Variants in PDGFRL observed in about 807,000 individuals in gnomAD.
The protein encoded by PDGFRL is platelet derived growth factor receptor like, also known as platelet-derived growth factor receptor-like protein.
In PDGFRL, 46 loss-of-function variants were observed where a neutral mutation model predicts 37.2. That is an observed-to-expected ratio of 1.24 (90% CI 0.98 to 1.58). PDGFRL has a LOEUF of 1.58. PDGFRL is among the 40% of genes most tolerant of loss of function. PDGFRL has a pLI of 0.00. For missense variants in PDGFRL, 692 were observed against 467.6 expected (o/e 1.48, Z -4.43); for synonymous variants, 251 against 184.3 (o/e 1.36, Z -2.93).
intron 1 of PDGFRL, among the ~76,000 whole-genome samples, chr8:17,585,095 C>T (rs1227032120): frequency 3.9e-5 from 6 of 152,064 alleles, no homozygotes; most frequent in Non-Finnish European, 5.9e-5. Context: ...ACACTCATGG[C>T]GCTTGTGGGA....
intron 5 of PDGFRL, among the ~76,000 whole-genome samples, chr8:17,634,979 T>TCC (rs1804941288): frequency 6.6e-6 from 1 of 151,368 alleles, no homozygotes; most frequent in Non-Finnish European, 1.5e-5. Flanking sequence ...AAAGGTTTTT[T>TCC]TTTAAAAAAA....
At chr8:17,615,389 C>CTTCAT (rs1333339888) in intron 2 of PDGFRL, among the ~76,000 whole-genome samples, 3 of 152,080 alleles carry the variant, frequency 2.0e-5, no homozygotes, top group Non-Finnish European at 4.4e-5. Context: ...GTCAAAATTG[C>CTTCAT]TTCATTTCAT....
chr8:17,626,557 A>G (rs1356823643), intron 3 of PDGFRL, among the ~76,000 whole-genome samples: 1 of 152,230 alleles, frequency 6.6e-6, no homozygotes. Flanking sequence ...TGACACAAAG[A>G]AGGCAAGTGG....
intron 2 of PDGFRL, among the ~76,000 whole-genome samples, chr8:17,606,203 T>C (rs111453839): frequency 6.6e-6 from 1 of 152,104 alleles, no homozygotes; most frequent in African/African-American, 2.4e-5. Context: ...ATAATTTATA[T>C]TTTTCGAAAA....
intron 2 of PDGFRL, among the ~76,000 whole-genome samples, chr8:17,599,095 CTT>C (rs1252189965): frequency 1.3e-5 from 2 of 152,198 alleles, no homozygotes; most frequent in African/African-American, 4.8e-5. Flanking sequence ...CCTTCTCCCT[CTT>C]TATCCACATT....
chr8:17,636,213 C>G (rs1413249943), intron 5 of PDGFRL, among the ~76,000 whole-genome samples: 1 of 152,144 alleles, frequency 6.6e-6, no homozygotes, highest in African/African-American at 2.4e-5. Flanking sequence ...AAAGGTTTTT[C>G]CACTGTTATC....
chr8:17,625,130 T>C (rs1804707088), intron 3 of PDGFRL, among the ~76,000 whole-genome samples: 1 of 3,884 alleles, frequency 2.6e-4, no homozygotes, highest in Non-Finnish European at 1.7e-3. Context: ...CCTAAAGCTA[T>C]CCCTCCCCCC....
chr8:17,641,366 G>GA (rs1366798196), intron 5 of PDGFRL, among the ~76,000 whole-genome samples: 1 of 152,186 alleles, frequency 6.6e-6, no homozygotes, highest in Non-Finnish European at 1.5e-5. Flanking sequence ...TCTCCCTGTG[G>GA]TCTTTTCCCA....
rs1185941955 is a variant in PDGFRL, at chr8:17,642,743, G to T, written c.1070G>T (p.Cys357Phe). 9 of 1,610,212 alleles carry T rather than the reference G, an allele frequency of 5.6e-6. No individual in the cohort carries two copies. In the South Asian group the frequency reaches 9.9e-5, roughly 18 times the overall value. ...ACGATTGATGCAGGATATTACATTT[G>T]CACTGCTCAGAATCTTCAAGGACAG... ...FETIDAGYYI[C>F]TAQNLQGQTT... The change falls in exon 6 of 6, where the codon TGC becomes TTC. Residue 357 changes from cysteine (C) to phenylalanine (F), a missense_variant. Physicochemically the swap from Cys to Phe is radical, Grantham distance 205. Transcript: ENST00000251630.
At chr8:17,626,375 T>A (rs111403510) in intron 3 of PDGFRL, among the ~76,000 whole-genome samples, 4,200 of 152,244 alleles carry the variant, frequency 0.028, 81 homozygotes, top group East Asian at 0.067. Flanking sequence ...GAAACCCATG[T>A]AAAAGACGGA....
chr8:17,601,717 G>A (rs1804170195), intron 2 of PDGFRL, among the ~76,000 whole-genome samples: 1 of 152,252 alleles, frequency 6.6e-6, no homozygotes, highest in Non-Finnish European at 1.5e-5. Flanking sequence ...AGAGCATGTG[G>A]TATTTAGTCT....
At chr8:17,639,479 G>T (rs574067299) in intron 5 of PDGFRL, among the ~76,000 whole-genome samples, 1 of 152,168 alleles carries the variant, frequency 6.6e-6, no homozygotes, top group African/African-American at 2.4e-5. Context: ...TTGTAGTGGC[G>T]AATTTTCTCA....
chr8:17,620,862 A>AT (rs35442209), intron 2 of PDGFRL, among the ~76,000 whole-genome samples, 189 bp from the exon 3 acceptor site: 34 of 147,636 alleles, frequency 2.3e-4, no homozygotes, highest in Middle Eastern at 3.4e-3. Context: ...AGTTTTTATC[A>AT]TTTTTTTTTT....
chr8:17,609,829 A>T (rs2129710378), intron 2 of PDGFRL, among the ~76,000 whole-genome samples: 1 of 152,180 alleles, frequency 6.6e-6, no homozygotes, highest in East Asian at 1.9e-4. Context: ...TAGTAAAGTA[A>T]ACTCAAATCA....
chr8:17,599,234 G>A (rs947925932), intron 2 of PDGFRL, among the ~76,000 whole-genome samples: 21 of 151,948 alleles, frequency 1.4e-4, no homozygotes, highest in African/African-American at 4.1e-4. Flanking sequence ...TGCACCCGTC[G>A]TCACCCAAGC....
intron 1 of PDGFRL, among the ~76,000 whole-genome samples, chr8:17,581,394 A>G (rs181878651): frequency 5.3e-5 from 8 of 152,282 alleles, no homozygotes; most frequent in African/African-American, 1.9e-4. Flanking sequence ...GCTGGCTTCT[A>G]GATGAGATGA....
intron 5 of PDGFRL, 125 bp from the exon 6 acceptor site, chr8:17,642,488 T>G (rs1805152997): frequency 3.0e-6 from 2 of 672,340 alleles, no homozygotes; most frequent in Admixed American, 5.6e-5. Flanking sequence ...CTACGCATAC[T>G]AAACAGTCTT....
At chr8:17,633,002 C>T (rs1563529782) in intron 4 of PDGFRL, among the ~76,000 whole-genome samples, 1 of 152,180 alleles carries the variant, frequency 6.6e-6, no homozygotes. Context: ...GCTTTTAACA[C>T]AGCATTTTAA....
rs1415184478 is a variant in PDGFRL, at chr8:17,632,224, C to A, written c.800-1850C>A. 1.3e-5 allele frequency among the ~76,000 whole-genome samples: 2 copies of A among 152,150 alleles called. 1 individual carries two copies. Among genetic ancestry groups the A allele is most frequent in the African/African-American group, 4.8e-5 (2 of 41,456 alleles). ...TTCAAATCCTACTGTTTCTCTCCAT[C>A]CTCACTGCAAAAAAGGGATCAAGCT... On this transcript the variant is annotated intron_variant, in intron 4 of 5. Coordinates refer to ENST00000251630, the MANE Select transcript of PDGFRL (RefSeq NM_001372073.1).
Sources: allele counts gnomAD v4.1 joint callset (sites outside exome capture counted in the v4.1 genomes callset), GRCh38; gene constraint gnomAD v4.1.1; transcripts MANE v1.5; gene names NCBI Gene and HGNC (gene_info 2026-07-23, HGNC 2026-07-21).